Variants in IQSEC1 observed in about 807,000 individuals in gnomAD.
IQSEC1 encodes IQ motif and Sec7 domain ArfGEF 1, also known as IQ motif and SEC7 domain-containing protein 1.
A neutral mutation model predicts 91.0 loss-of-function variants in IQSEC1; 31 were observed. That is an observed-to-expected ratio of 0.34 (90% confidence interval 0.26 to 0.46). IQSEC1 has a LOEUF of 0.46. Among genes scored for constraint, IQSEC1 ranks in the 20% least tolerant of loss-of-function variants. The pLI is 1.00. For synonymous variants in IQSEC1, 699 were observed against 662.6 expected (o/e 1.05, Z -0.84); for missense variants, 1,388 against 1,575.6 (o/e 0.88, Z 2.02).
At position 12,900,123 on chromosome 3, in the gene IQSEC1, A is replaced by G. The variant is rs1279274538; in HGVS notation, c.*860T>C. The G allele has an allele frequency of 2.1e-6, 2 of 975,532 alleles. No individual in the cohort carries two copies. The highest frequency in any genetic ancestry group is 1.2e-6 in the Non-Finnish European group (1 of 820,918). 60.4% of individuals were successfully genotyped at this position (975,532 alleles called of 1,614,324 possible). ...TAGCTATTTGCTTACCTGAAATAAC[A>G]GCATTATAATACTATTTATGATAGT... On this transcript the variant is annotated 3_prime_UTR_variant, in exon 14 of 14. Transcript: ENST00000613206.
intron 1 of IQSEC1, among the ~76,000 whole-genome samples, chr3:13,190,115 G>A (rs1462841605): frequency 6.6e-6 from 1 of 152,190 alleles, no homozygotes; most frequent in Non-Finnish European, 1.5e-5. Context: ...GGACTCCAGT[G>A]TCCAAGGTTC....
intron 2 of IQSEC1, among the ~76,000 whole-genome samples, chr3:13,111,606 AC>A (rs1307890423): frequency 6.6e-6 from 1 of 150,444 alleles, no homozygotes; most frequent in Admixed American, 6.6e-5. Context: ...TGAAGCCCTA[AC>A]CCCCAATGTG....
Position 12,909,521 on chromosome 3 carries a change from G to T in IQSEC1, c.2417-87C>A. 1 of 1,342,558 alleles carries T rather than the reference G, an allele frequency of 7.4e-7. No individual in the cohort carries two copies. The highest frequency in any genetic ancestry group is 1.0e-6 in the Non-Finnish European group (1 of 961,062). 83.2% of individuals were successfully genotyped at this position (1,342,558 alleles called of 1,614,324 possible). A position where few individuals can be genotyped will look rare whatever the true frequency, so the allele number is the denominator to read the frequency against. On this transcript the variant is annotated intron_variant, in intron 10 of 13. Transcript: ENST00000613206. This position sits in a 1 kb window ranked among gnomAD's most constrained non-coding sequence, Gnocchi z 4.9. Reference sequence around the variant, plus strand: ...TCTCTGGTCAGGAAACAATGGTAGGGCTGAGTTGTGCGTGAGCCTGGGATA... The same window carrying T: ...TCTCTGGTCAGGAAACAATGGTAGGTCTGAGTTGTGCGTGAGCCTGGGATA...
chr3:13,106,879 C>A (rs1023511660), intron 2 of IQSEC1, among the ~76,000 whole-genome samples: 1 of 152,214 alleles, frequency 6.6e-6, no homozygotes, highest in Non-Finnish European at 1.5e-5. Context: ...CAAAATACAT[C>A]ATTTTAAGAC....
At chr3:13,174,063 A>G (rs1693671007) in intron 1 of IQSEC1, among the ~76,000 whole-genome samples, 1 of 151,896 alleles carries the variant, frequency 6.6e-6, no homozygotes, top group African/African-American at 2.4e-5. Context: ...GTCTAACTAC[A>G]CTCACTGAGC....
rs921298969 is a variant in IQSEC1, at chr3:12,983,683, G to A, written c.24-41818C>T. ...GGGCTGACCTCACAGGCCACGCTGG[G>A]CAATTCCTCCCAGCACCTGGGCGAT... On this transcript the variant is annotated intron_variant, in intron 1 of 13. Transcript: ENST00000613206. The surrounding 1 kb of genome is among the most constrained non-coding windows in gnomAD (Gnocchi z 4.3). 6.6e-6 allele frequency among the ~76,000 whole-genome samples: 1 copy of A among 152,144 alleles called. No individual in the cohort carries two copies. The highest frequency in any genetic ancestry group is 2.4e-5 in the African/African-American group (1 of 41,414).
At position 12,900,585 on chromosome 3, in the gene IQSEC1, T is replaced by G; in HGVS notation, c.*398A>C. ...AGCAATAATGCAGCAAGTTTTGGGG[T>G]TTGTTTTGTCTGTTTTTGTATCTCA... is the stretch of plus-strand genomic sequence containing the variant. On this transcript the variant is annotated 3_prime_UTR_variant, in exon 14 of 14. Coordinates refer to ENST00000613206, the MANE Select transcript of IQSEC1 (RefSeq NM_001134382.3). 1 of 1,010,558 alleles carries G rather than the reference T, an allele frequency of 9.9e-7. No homozygotes were observed. The allele number at this position is 1,010,558 out of a possible 1,614,324, so 62.6% of individuals were successfully genotyped here. A position where few individuals can be genotyped will look rare whatever the true frequency, so the allele number is the denominator to read the frequency against.
chr3:13,030,006 A>G (rs892034782), intron 1 of IQSEC1, among the ~76,000 whole-genome samples: 2 of 152,186 alleles, frequency 1.3e-5, no homozygotes, highest in African/African-American at 4.8e-5. Context: ...GTCTCGCTAC[A>G]TTAACCAGAC....
chr3:13,190,756 T>A (rs1694009438), intron 1 of IQSEC1, among the ~76,000 whole-genome samples: 1 of 152,206 alleles, frequency 6.6e-6, no homozygotes, highest in South Asian at 2.1e-4. Flanking sequence ...ATTGTCTACA[T>A]ACATAAACAC....
chr3:13,273,995 T>C (rs183513325), intron 1 of IQSEC1, among the ~76,000 whole-genome samples: 3 of 152,244 alleles, frequency 2.0e-5, no homozygotes, highest in African/African-American at 4.8e-5. Context: ...ACTGTCCCCA[T>C]AGCAGAGATG....
chr3:12,915,006 T>G, intron 8 of IQSEC1, 98 bp downstream of exon 8: 3 of 1,254,204 alleles, frequency 2.4e-6, no homozygotes, highest in South Asian at 2.6e-5. Context: ...CAGCCAGCAC[T>G]TGGGCTCTGG....
At chr3:13,050,911 A>C (rs1704668838) in intron 1 of IQSEC1, among the ~76,000 whole-genome samples, 1 of 152,232 alleles carries the variant, frequency 6.6e-6, no homozygotes, top group African/African-American at 2.4e-5. Context: ...ACATGCACAC[A>C]TATTTTTTAA....
At chr3:13,104,631 C>T (rs1433887153) in intron 2 of IQSEC1, among the ~76,000 whole-genome samples, 3 of 152,164 alleles carry the variant, frequency 2.0e-5, no homozygotes, top group African/African-American at 2.4e-5. Flanking sequence ...AGTCTCCCTC[C>T]CCCACCTCTC....
intron 1 of IQSEC1, among the ~76,000 whole-genome samples, chr3:13,068,252 G>T (rs1705300361): frequency 6.6e-6 from 1 of 152,256 alleles, no homozygotes; most frequent in Admixed American, 6.5e-5. Flanking sequence ...TGGCAGGTGG[G>T]TCAGAGGTAG....
At chr3:12,999,925 T>C (rs1702356972) in intron 1 of IQSEC1, among the ~76,000 whole-genome samples, 1 of 152,252 alleles carries the variant, frequency 6.6e-6, no homozygotes, top group Admixed American at 6.5e-5. Context: ...TAAACGCTTC[T>C]GTAGCTCCTA....
intron 1 of IQSEC1, among the ~76,000 whole-genome samples, chr3:13,233,327 C>G (rs1354569466): frequency 2.0e-5 from 3 of 152,218 alleles, no homozygotes; most frequent in African/African-American, 4.8e-5. Context: ...ACCCTCCATC[C>G]AGCACTGTCC....
intron 2 of IQSEC1, among the ~76,000 whole-genome samples, chr3:12,939,192 C>A (rs187258262): frequency 6.6e-6 from 1 of 152,338 alleles, no homozygotes; most frequent in Non-Finnish European, 1.5e-5. Flanking sequence ...CGGAGGGAAG[C>A]CGCTGCCCCA....
intron 1 of IQSEC1, among the ~76,000 whole-genome samples, chr3:13,218,958 C>T (rs111862685): frequency 9.7e-4 from 148 of 152,294 alleles, no homozygotes; most frequent in Non-Finnish European, 2.0e-3. Context: ...CTACTCAATG[C>T]CACCCACCAA....
intron 1 of IQSEC1, among the ~76,000 whole-genome samples, chr3:13,258,445 G>T (rs1276641949): frequency 1.3e-5 from 2 of 152,186 alleles, no homozygotes; most frequent in Non-Finnish European, 2.9e-5. Flanking sequence ...ACTTTGGAAG[G>T]CCGAGATGGG....
Sources: allele counts gnomAD v4.1 joint callset (sites outside exome capture counted in the v4.1 genomes callset), GRCh38; gene constraint gnomAD v4.1.1; non-coding constraint Gnocchi (gnomAD v3.1); transcripts MANE v1.5; gene names NCBI Gene and HGNC (gene_info 2026-07-23, HGNC 2026-07-21).